Variants in DTNA observed in about 807,000 individuals in gnomAD.
DTNA encodes the protein dystrobrevin alpha.
In DTNA, 43 loss-of-function variants were observed where a neutral mutation model predicts 100.7. That is an observed-to-expected ratio of 0.43 (90% CI 0.33 to 0.55). The LOEUF is 0.55. Among genes scored for constraint, DTNA ranks in the 20% least tolerant of loss-of-function variants. DTNA has a pLI of 0.04. For missense variants in DTNA, 798 were observed against 953.9 expected (o/e 0.84, Z 2.15); for synonymous variants, 349 against 347.9 (o/e 1.00, Z -0.04).
chr18:34,779,080 C>G (rs969047796), intron 3 of DTNA, among the ~76,000 whole-genome samples: 3 of 152,076 alleles, frequency 2.0e-5, no homozygotes, highest in African/African-American at 7.3e-5. Context: ...GGATCACCCT[C>G]CATGTGCCAG....
chr18:34,636,562 CATT>C, intron 1 of DTNA, among the ~76,000 whole-genome samples: 2 of 152,288 alleles, frequency 1.3e-5, no homozygotes, highest in African/African-American at 4.8e-5. Context: ...TTTTACTCAT[CATT>C]GTTCTTGCAC....
chr18:34,666,478 A>G (rs1371740748), intron 1 of DTNA, among the ~76,000 whole-genome samples: 1 of 151,910 alleles, frequency 6.6e-6, no homozygotes, highest in Non-Finnish European at 1.5e-5. Flanking sequence ...TTGGTGTTTT[A>G]GACATGAAGT....
At chr18:34,843,648 A>G (rs1420541804) in intron 13 of DTNA, among the ~76,000 whole-genome samples, 1 of 151,996 alleles carries the variant, frequency 6.6e-6, no homozygotes, top group Non-Finnish European at 1.5e-5. Context: ...CCACACTATG[A>G]CCTCATTTAA....
chr18:34,844,996 C>T (rs1192924731), intron 13 of DTNA, among the ~76,000 whole-genome samples: 1 of 152,154 alleles, frequency 6.6e-6, no homozygotes, highest in Admixed American at 6.5e-5. Context: ...ACACTGCAAT[C>T]ACTTGTTAAT....
chr18:34,647,431 T>C (rs1225566068), intron 1 of DTNA, among the ~76,000 whole-genome samples: 1 of 152,166 alleles, frequency 6.6e-6, no homozygotes, highest in Non-Finnish European at 1.5e-5. Flanking sequence ...AGGGCAGCTT[T>C]ACAGGAGCAG....
chr18:34,630,230 G>A (rs1306696399), intron 1 of DTNA, among the ~76,000 whole-genome samples: 2 of 151,966 alleles, frequency 1.3e-5, no homozygotes, highest in Non-Finnish European at 2.9e-5. Context: ...GAAAAGGAGA[G>A]CTTATAGGGC....
intron 4 of DTNA, among the ~76,000 whole-genome samples, chr18:34,805,896 C>T (rs564862754): frequency 7.7e-4 from 117 of 152,072 alleles, no homozygotes; most frequent in African/African-American, 2.3e-3. Context: ...AAAGCATGTT[C>T]TGTTATTTAA....
intron 3 of DTNA, among the ~76,000 whole-genome samples, chr18:34,778,254 T>C (rs978333250): frequency 6.6e-5 from 10 of 152,050 alleles, no homozygotes; most frequent in African/African-American, 2.2e-4. Context: ...AATATAAATA[T>C]CAAAAATAAA....
chr18:34,494,746 A>G (rs984355930), intron 1 of DTNA, among the ~76,000 whole-genome samples: 5 of 152,078 alleles, frequency 3.3e-5, no homozygotes, highest in African/African-American at 4.8e-5. Context: ...TTCTTATTCT[A>G]AAAAAATTGT....
Position 34,888,392 on chromosome 18 carries a change from G to C in DTNA, c.*658G>C, listed in dbSNP as rs548081254. 1.4e-5 allele frequency: 14 copies of C among 985,822 alleles called. No individual in the cohort carries two copies. The African/African-American group carries it at 2.4e-4, about 17-fold the overall frequency. 61.1% of individuals were successfully genotyped at this position (985,822 alleles called of 1,614,324 possible). On this transcript the variant is annotated 3_prime_UTR_variant, in exon 23 of 23. Coordinates refer to ENST00000444659, the MANE Select transcript of DTNA (RefSeq NM_001386795.1). ...GAAGGGTCCTTGGCCTGCACGGTCT[G>C]TAGTTGACTCCAAGTCTCTGTGAGC...
chr18:34,625,478 C>A (rs2057195767), intron 1 of DTNA, among the ~76,000 whole-genome samples: 1 of 152,166 alleles, frequency 6.6e-6, no homozygotes, highest in Non-Finnish European at 1.5e-5. Flanking sequence ...CGGCCAGGGA[C>A]ACCTTTTAAG....
intron 1 of DTNA, among the ~76,000 whole-genome samples, chr18:34,500,695 C>T (rs1441391715): frequency 6.6e-6 from 1 of 151,890 alleles, no homozygotes; most frequent in East Asian, 1.9e-4. Context: ...AACTCCTGAC[C>T]TCAGGTGATC....
chr18:34,574,579 GA>G (rs2146502653), intron 1 of DTNA: 1 of 152,446 alleles, frequency 6.6e-6, no homozygotes, highest in Admixed American at 6.5e-5. Flanking sequence ...CATGTTTTTG[GA>G]AAGGTAGAGC....
At chr18:34,867,273 T>C in intron 17 of DTNA, 1 of 1,231,352 alleles carries the variant, frequency 8.1e-7, no homozygotes, top group Non-Finnish European at 1.0e-6. Context: ...ATTCCCATGG[T>C]CTGTAAAAAA....
At chr18:34,567,967 G>T (rs867886491) in intron 1 of DTNA, among the ~76,000 whole-genome samples, 1 of 151,926 alleles carries the variant, frequency 6.6e-6, no homozygotes, top group Non-Finnish European at 1.5e-5. Flanking sequence ...CCTGCATGTT[G>T]CAATTATGCG....
intron 5 of DTNA, among the ~76,000 whole-genome samples, chr18:34,809,881 G>T (rs2095447490): frequency 6.6e-6 from 1 of 152,210 alleles, no homozygotes; most frequent in Non-Finnish European, 1.5e-5. Flanking sequence ...GTGGTAGGGT[G>T]TTCCCTGTGT....
At chr18:34,668,156 G>A (rs2076213200) in intron 1 of DTNA, among the ~76,000 whole-genome samples, 2 of 152,146 alleles carry the variant, frequency 1.3e-5, no homozygotes, top group African/African-American at 4.8e-5. Flanking sequence ...AGTCTTGGGA[G>A]GGTGTATGTG....
intron 1 of DTNA, among the ~76,000 whole-genome samples, chr18:34,716,427 G>A (rs1027713424): frequency 1.3e-5 from 2 of 152,132 alleles, no homozygotes; most frequent in Admixed American, 1.3e-4. Flanking sequence ...GCTGGGCGTG[G>A]TGGCAGGCGC....
chr18:34,846,699 G>C (rs2096385401), intron 13 of DTNA, among the ~76,000 whole-genome samples: 1 of 152,002 alleles, frequency 6.6e-6, no homozygotes, highest in Non-Finnish European at 1.5e-5. Context: ...AGTGGATTCA[G>C]CTAACCAGAC....
Sources: allele counts gnomAD v4.1 joint callset (sites outside exome capture counted in the v4.1 genomes callset), GRCh38; gene constraint gnomAD v4.1.1; transcripts MANE v1.5; gene names NCBI Gene and HGNC (gene_info 2026-07-23, HGNC 2026-07-21).